The following PTPRR variants were observed in gnomAD, a reference collection of about 807,000 sequenced individuals.
The protein encoded by PTPRR is protein tyrosine phosphatase receptor type R.
Under a neutral mutation model 77.2 loss-of-function variants are expected in PTPRR, and 38 were observed. That is an observed-to-expected ratio of 0.49 (90% CI 0.38 to 0.65). The LOEUF (loss-of-function observed/expected upper bound fraction) is 0.65. Ranked by LOEUF, PTPRR falls within the 30% of genes least tolerant of loss-of-function variation. The probability of loss-of-function intolerance (pLI) is 0.00; values close to 1 mark genes in which losing one functional copy is unlikely to be tolerated. For missense variants in PTPRR, 744 were observed against 799.2 expected (o/e 0.93, Z 0.83); for synonymous variants, 299 against 283.1 (o/e 1.06, Z -0.57).
chr12:70,880,393 C>T (rs926318987), intron 2 of PTPRR, among the ~76,000 whole-genome samples: 11 of 152,148 alleles, frequency 7.2e-5, no homozygotes, highest in Admixed American at 2.0e-4. Flanking sequence ...TACCACACAG[C>T]TTCTAATTAT....
At chr12:70,650,298 C>T (rs1210622254) in intron 13 of PTPRR, among the ~76,000 whole-genome samples, 1 of 151,770 alleles carries the variant, frequency 6.6e-6, no homozygotes, top group Non-Finnish European at 1.5e-5. Context: ...CAAAAATTAG[C>T]CGGGAGTAAT....
At chr12:70,907,410 G>A (rs1893638372) in intron 1 of PTPRR, among the ~76,000 whole-genome samples, 2 of 152,058 alleles carry the variant, frequency 1.3e-5, no homozygotes, top group Non-Finnish European at 2.9e-5. Flanking sequence ...TAAATACTCT[G>A]GATATCCCTT....
intron 1 of PTPRR, among the ~76,000 whole-genome samples, chr12:70,900,252 A>G (rs1008113880): frequency 2.0e-5 from 3 of 151,638 alleles, no homozygotes; most frequent in Non-Finnish European, 4.4e-5. Context: ...AAAACTTACT[A>G]TAAAGCTATA....
At chr12:70,818,148 A>G (rs1332952994) in intron 2 of PTPRR, among the ~76,000 whole-genome samples, 1 of 150,946 alleles carries the variant, frequency 6.6e-6, no homozygotes, top group Non-Finnish European at 1.5e-5. Flanking sequence ...GGATTGAGGC[A>G]GTTCAAGCTC....
chr12:70,641,739 T>C (rs1406462494), intron 13 of PTPRR, among the ~76,000 whole-genome samples: 1 of 152,184 alleles, frequency 6.6e-6, no homozygotes, highest in Non-Finnish European at 1.5e-5. Flanking sequence ...AATCTTGCAA[T>C]TTTAGAGGCA....
chr12:70,765,759 C>A (rs901686368), intron 2 of PTPRR, among the ~76,000 whole-genome samples: 1 of 152,124 alleles, frequency 6.6e-6, no homozygotes, highest in African/African-American at 2.4e-5. Flanking sequence ...TGGGAGGCAC[C>A]CCCCCAGAAG....
At chr12:70,709,575 C>G (rs555178252) in intron 6 of PTPRR, among the ~76,000 whole-genome samples, 2 of 152,138 alleles carry the variant, frequency 1.3e-5, no homozygotes, top group South Asian at 4.1e-4. Context: ...GATCCTATAT[C>G]TAGAAAACCC....
At chr12:70,822,541 A>T (rs746376501) in intron 2 of PTPRR, among the ~76,000 whole-genome samples, 4 of 152,202 alleles carry the variant, frequency 2.6e-5, no homozygotes, top group Admixed American at 6.5e-5. Context: ...TATCAGACAC[A>T]TGGTGGGGAA....
At position 70,875,435 on chromosome 12, in the gene PTPRR, A is replaced by G. The variant is rs987319342; in HGVS notation, c.357+17244T>C. Among the ~76,000 whole-genome samples the G allele has an allele frequency of 5.3e-5, 8 of 152,292 alleles. No individual in the cohort carries two copies. The East Asian group carries it at 1.5e-3, about 29-fold the overall frequency. ...CCAGGAGATACGGAGGTTCAATAGA[A>G]GACAATGAAGTGGGTAAAAGAATGG... On this transcript the variant is annotated intron_variant, in intron 2 of 13. Transcript: ENST00000283228.
intron 4 of PTPRR, 74 bp from the exon 5 acceptor site, chr12:70,754,375 C>T (rs1890502057): frequency 1.9e-6 from 3 of 1,594,302 alleles, no homozygotes; most frequent in South Asian, 2.2e-5. Context: ...AGACACTAAA[C>T]ATATTTTTAG....
intron 6 of PTPRR, among the ~76,000 whole-genome samples, chr12:70,730,853 G>A (rs1333843576): frequency 2.0e-5 from 3 of 150,684 alleles, no homozygotes; most frequent in Non-Finnish European, 4.4e-5. Flanking sequence ...AGAGAGAGCA[G>A]AAGGAAGGAG....
At chr12:70,904,122 T>C (rs373152589) in intron 1 of PTPRR, among the ~76,000 whole-genome samples, 2 of 151,990 alleles carry the variant, frequency 1.3e-5, no homozygotes, top group South Asian at 2.1e-4. Flanking sequence ...GAATGCAAAA[T>C]GGCAAAGGCA....
At chr12:70,673,002 C>A in intron 10 of PTPRR, 1 of 1,291,306 alleles carries the variant, frequency 7.7e-7, no homozygotes, top group Non-Finnish European at 1.0e-6. Context: ...AAGGATAGAG[C>A]TCTCTTCAAT....
intron 2 of PTPRR, among the ~76,000 whole-genome samples, chr12:70,879,960 G>A (rs1429425130): frequency 6.6e-6 from 1 of 152,138 alleles, no homozygotes; most frequent in African/African-American, 2.4e-5. Flanking sequence ...CTCTGTATTT[G>A]TTAGACGTAA....
intron 5 of PTPRR, among the ~76,000 whole-genome samples, chr12:70,750,836 C>T (rs1890367668): frequency 6.6e-6 from 1 of 152,052 alleles, no homozygotes; most frequent in Non-Finnish European, 1.5e-5. Context: ...CTCAAGTGCT[C>T]CTCCCCGTCA....
chr12:70,664,995 G>C (rs1229081569), intron 10 of PTPRR, among the ~76,000 whole-genome samples: 1 of 152,082 alleles, frequency 6.6e-6, no homozygotes, highest in Non-Finnish European at 1.5e-5. Flanking sequence ...GCTTTTTAGG[G>C]TTTCTTTATT....
intron 6 of PTPRR, among the ~76,000 whole-genome samples, chr12:70,742,762 G>A (rs1273298370): frequency 6.6e-6 from 1 of 152,184 alleles, no homozygotes; most frequent in Non-Finnish European, 1.5e-5. Context: ...TGAGTTCTCA[G>A]TGGGATTGGG....
At chr12:70,796,773 T>C (rs757310943) in intron 2 of PTPRR, among the ~76,000 whole-genome samples, 27 of 152,168 alleles carry the variant, frequency 1.8e-4, no homozygotes, top group Non-Finnish European at 5.9e-5. Context: ...CTCACGCCTG[T>C]AATCCCAGCA....
At chr12:70,847,585 T>A (rs1271011884) in intron 2 of PTPRR, among the ~76,000 whole-genome samples, 1 of 152,180 alleles carries the variant, frequency 6.6e-6, no homozygotes, top group Non-Finnish European at 1.5e-5. Flanking sequence ...TGAGCCATAC[T>A]CTTCCTCTCC....
Sources: allele counts gnomAD v4.1 joint callset (sites outside exome capture counted in the v4.1 genomes callset), GRCh38; gene constraint gnomAD v4.1.1; transcripts MANE v1.5; gene names NCBI Gene and HGNC (gene_info 2026-07-23, HGNC 2026-07-21).